Variants in ABCC4 observed in about 807,000 individuals in gnomAD.
The protein encoded by ABCC4 is ATP binding cassette subfamily C member 4 (PEL blood group).
A neutral mutation model predicts 168.5 loss-of-function variants in ABCC4; 102 were observed. The ratio of observed to expected loss-of-function variants is 0.61; its 90% confidence interval spans 0.52 to 0.71. ABCC4 has a LOEUF of 0.71. Ranked by LOEUF, ABCC4 falls within the 30% of genes least tolerant of loss-of-function variation. ABCC4 has a pLI of 0.00. For synonymous variants in ABCC4, 617 were observed against 590.7 expected, an observed-to-expected ratio of 1.04 and a Z score of -0.65; for missense variants, 1,402 against 1,605.8, an observed-to-expected ratio of 0.87 and a Z score of 2.17.
Position 95,177,819 on chromosome 13 carries a change from C to A in ABCC4, c.1641-26G>T, listed in dbSNP as rs746067995. ...CTAGAAAATACAAAGAGGTATCAGA[C>A]TCTCACCCAGGAACATGACAACTTT... is the stretch of plus-strand genomic sequence containing the variant. On this transcript the variant is annotated intron_variant, in intron 12 of 30. Coordinates refer to ENST00000645237, the MANE Select transcript of ABCC4 (RefSeq NM_005845.5). 6.3e-6 allele frequency: 10 copies of A among 1,589,174 alleles called. No homozygotes were observed. In the South Asian group the frequency reaches 1.1e-4, roughly 18 times the overall value.
intron 8 of ABCC4, among the ~76,000 whole-genome samples, chr13:95,196,694 A>G (rs1184369109): frequency 3.7e-5 from 3 of 80,944 alleles, no homozygotes; most frequent in East Asian, 2.9e-4. Flanking sequence ...GGAAGGAAGG[A>G]AGGAAGGAAG....
chr13:95,234,587 G>A (rs1211590168), intron 4 of ABCC4, 23 bp downstream of exon 4: 6 of 1,592,826 alleles, frequency 3.8e-6, no homozygotes, highest in Non-Finnish European at 5.2e-6. Flanking sequence ...TGAGGTACAT[G>A]TTTAATGCTG....
intron 20 of ABCC4, chr13:95,095,984 T>C (rs2034583339): frequency 2.5e-6 from 1 of 395,446 alleles, no homozygotes; most frequent in African/African-American, 2.1e-5. Context: ...TCAATAAACA[T>C]AAAAAGATGA....
At chr13:95,297,071 G>A (rs147043892) in intron 1 of ABCC4, among the ~76,000 whole-genome samples, 2 of 152,152 alleles carry the variant, frequency 1.3e-5, no homozygotes, top group East Asian at 3.9e-4. Context: ...AGGAGTTCGA[G>A]ACCAGCCTGG....
At chr13:95,210,251 C>G (rs773218752) in intron 5 of ABCC4, among the ~76,000 whole-genome samples, 1 of 152,106 alleles carries the variant, frequency 6.6e-6, no homozygotes, top group African/African-American at 2.4e-5. Context: ...GCCAAGGTAG[C>G]GAGAATCGCT....
chr13:95,078,967 T>C (rs1436457407), intron 21 of ABCC4, among the ~76,000 whole-genome samples: 4 of 152,176 alleles, frequency 2.6e-5, no homozygotes. Context: ...CTTGAGAAAT[T>C]AGGTACCATC....
chr13:95,232,342 G>A (rs190996740), intron 4 of ABCC4, among the ~76,000 whole-genome samples: 6 of 152,150 alleles, frequency 3.9e-5, no homozygotes, highest in South Asian at 2.1e-4. Context: ...GACACCTTAC[G>A]GACACTCTGG....
At chr13:95,099,500 A>T (rs952386773) in intron 20 of ABCC4, among the ~76,000 whole-genome samples, 3 of 152,228 alleles carry the variant, frequency 2.0e-5, no homozygotes, top group Non-Finnish European at 2.9e-5. Flanking sequence ...CTCAATAAAA[A>T]TAGATAGGGT....
intron 19 of ABCC4, among the ~76,000 whole-genome samples, chr13:95,140,281 G>A (rs1028345160): frequency 5.9e-5 from 9 of 152,148 alleles, no homozygotes; most frequent in Admixed American, 1.3e-4. Context: ...TCATGGACTC[G>A]GCATAGCATC....
chr13:95,062,983 C>G, intron 25 of ABCC4, 124 bp from the exon 26 acceptor site: 1 of 1,148,360 alleles, frequency 8.7e-7, no homozygotes, highest in Non-Finnish European at 1.2e-6. Context: ...TGAGTGTAGT[C>G]TAAGAGTTTC....
At chr13:95,047,999 C>T (rs1042247483) in intron 27 of ABCC4, among the ~76,000 whole-genome samples, 3 of 152,198 alleles carry the variant, frequency 2.0e-5, no homozygotes, top group Non-Finnish European at 4.4e-5. Context: ...CCTCCCCACA[C>T]ATAATCTGTT....
chr13:95,068,370 A>G (rs892169017), intron 25 of ABCC4, among the ~76,000 whole-genome samples: 7 of 152,230 alleles, frequency 4.6e-5, no homozygotes, highest in African/African-American at 1.7e-4. Flanking sequence ...TCATGCCTGT[A>G]ATCCCAGCAC....
In ABCC4 at chr13:95,192,493, T is replaced by C. The variant is rs551771112; in HGVS notation, c.1263+2343A>G. The stretch of plus-strand genomic sequence containing the variant: ...CATTTTACAATATCGCAGGGTTTGG[T>C]ACAAAAGAAATTTGCAAATGGGACC... On this transcript the variant is annotated intron_variant, in intron 9 of 30. Transcript: ENST00000645237. 4.6e-5 allele frequency among the ~76,000 whole-genome samples: 7 copies of C among 152,256 alleles called. 1 individual carries two copies. The highest frequency in any genetic ancestry group is 4.6e-4 in the Admixed American group (7 of 15,288).
chr13:95,229,536 A>G (rs887279295), intron 4 of ABCC4, among the ~76,000 whole-genome samples: 3 of 152,114 alleles, frequency 2.0e-5, no homozygotes, highest in Non-Finnish European at 4.4e-5. Flanking sequence ...AAAATCCACA[A>G]CTCAGAAGCC....
intron 18 of ABCC4, 79 bp downstream of exon 18, chr13:95,163,043 T>C: frequency 1.1e-6 from 1 of 931,968 alleles, no homozygotes; most frequent in Non-Finnish European, 1.8e-6. Flanking sequence ...GAATGACTCC[T>C]GGAAGCCCTA....
At chr13:95,135,242 G>T (rs4148515) in intron 19 of ABCC4, among the ~76,000 whole-genome samples, 29,891 of 151,858 alleles carry the variant, frequency 0.2, 3,871 homozygotes, top group African/African-American at 0.37. Flanking sequence ...TTCTAGTTTT[G>T]CTCATATTTA....
intron 19 of ABCC4, among the ~76,000 whole-genome samples, chr13:95,151,848 G>C (rs1208558104): frequency 1.3e-5 from 2 of 152,184 alleles, no homozygotes; most frequent in Non-Finnish European, 2.9e-5. Flanking sequence ...GACCGACTTA[G>C]TTACCACAAA....
Position 95,062,751 on chromosome 13 carries a change from C to T in ABCC4, c.3319G>A (p.Glu1107Lys). ...KIWIDKILTT[E>K]IGLHDLRKKM... ...TTCCTTAAATCGTGAAGTCCAATTT[C>T]AGTTGTCAAGATCTTATCAATCCAA... Residue 1107 changes from glutamate to lysine, a missense_variant, in exon 26 of 31, where the codon GAA becomes AAA. Around this residue, in one of 3 missense-constraint regions of ABCC4, gnomAD observed 1,007 missense variants for 1,127.3 expected, o/e 0.89. Coordinates refer to ENST00000645237, the MANE Select transcript of ABCC4 (RefSeq NM_005845.5). 6.2e-7 allele frequency: 1 copy of T among 1,613,970 alleles called. No individual in the cohort carries two copies. The highest frequency in any genetic ancestry group is 2.2e-5 in the East Asian group (1 of 44,872).
chr13:95,237,700 G>C (rs900972610), intron 3 of ABCC4, among the ~76,000 whole-genome samples: 1 of 152,062 alleles, frequency 6.6e-6, no homozygotes, highest in African/African-American at 2.4e-5. Flanking sequence ...ACATGTCTAG[G>C]CCCAGCGGGC....
Sources: allele counts gnomAD v4.1 joint callset (sites outside exome capture counted in the v4.1 genomes callset), GRCh38; gene constraint gnomAD v4.1.1; regional missense constraint gnomAD v4.1.1; transcripts MANE v1.5; gene names NCBI Gene and HGNC (gene_info 2026-07-23, HGNC 2026-07-21).